The following CNTN5 variants were observed in gnomAD, a reference collection of about 807,000 sequenced individuals.
CNTN5 encodes contactin-5.
Under a neutral mutation model 129.1 loss-of-function variants are expected in CNTN5, and 77 were observed. That is an observed-to-expected ratio of 0.60 (90% confidence interval 0.50 to 0.72). The LOEUF is 0.72. Ranked by LOEUF, CNTN5 falls within the 30% of genes least tolerant of loss-of-function variation. The pLI is 0.00. For missense variants in CNTN5, 1,478 were observed against 1,328.8 expected, an observed-to-expected ratio of 1.11 and a Z score of -1.75; for synonymous variants, 509 against 465.6, an observed-to-expected ratio of 1.09 and a Z score of -1.20.
intron 1 of CNTN5, among the ~76,000 whole-genome samples, chr11:99,141,770 G>A (rs1416802174): frequency 6.6e-6 from 1 of 152,108 alleles, no homozygotes; most frequent in African/African-American, 2.4e-5. Flanking sequence ...TCATCCAGGA[G>A]CAGTTTGTTT....
intron 3 of CNTN5, among the ~76,000 whole-genome samples, chr11:99,716,680 G>T (rs1314586903): frequency 6.6e-6 from 1 of 152,068 alleles, no homozygotes; most frequent in East Asian, 1.9e-4. Flanking sequence ...AATTAATATT[G>T]CAACCAGCTT....
At chr11:99,471,233 C>T (rs1195951874) in intron 2 of CNTN5, among the ~76,000 whole-genome samples, 3 of 151,832 alleles carry the variant, frequency 2.0e-5, no homozygotes, top group Non-Finnish European at 4.4e-5. Context: ...ATATTTTATA[C>T]CCCCATAAAG....
chr11:99,482,700 G>C (rs1945647551), intron 2 of CNTN5, among the ~76,000 whole-genome samples: 1 of 152,062 alleles, frequency 6.6e-6, no homozygotes. Context: ...AGAAGATAAC[G>C]TAGGAGAAAA....
intron 13 of CNTN5, among the ~76,000 whole-genome samples, chr11:100,101,760 TC>T (rs1945232323): frequency 1.3e-5 from 2 of 152,070 alleles, no homozygotes; most frequent in Non-Finnish European, 2.9e-5. Context: ...GTCTCCGAAG[TC>T]CATTCTACAA....
intron 3 of CNTN5, among the ~76,000 whole-genome samples, chr11:99,787,080 G>A (rs1297961661): frequency 8.9e-6 from 1 of 112,420 alleles, no homozygotes; most frequent in Non-Finnish European, 1.8e-5. Context: ...ATTTGCTTCT[G>A]AAACTACATG....
intron 9 of CNTN5, among the ~76,000 whole-genome samples, chr11:100,055,770 C>G (rs1943194200): frequency 6.6e-6 from 1 of 151,552 alleles, no homozygotes; most frequent in South Asian, 2.1e-4. Flanking sequence ...ATTGTATTTC[C>G]TGTGCTTATG....
chr11:99,293,189 G>T (rs373412113), intron 1 of CNTN5, among the ~76,000 whole-genome samples: 5 of 152,048 alleles, frequency 3.3e-5, no homozygotes, highest in African/African-American at 1.2e-4. Flanking sequence ...ATGATCATAC[G>T]ATTTTTATCC....
chr11:99,304,687 G>C (rs1864791946), intron 1 of CNTN5, among the ~76,000 whole-genome samples: 1 of 152,192 alleles, frequency 6.6e-6, no homozygotes, highest in African/African-American at 2.4e-5. Context: ...ATACGTTTCA[G>C]TGTTGTGCTT....
At chr11:99,172,584 T>C (rs755395809) in intron 1 of CNTN5, among the ~76,000 whole-genome samples, 1 of 152,222 alleles carries the variant, frequency 6.6e-6, no homozygotes, top group East Asian at 1.9e-4. Flanking sequence ...CAATATTTTC[T>C]CACCTAAGTT....
intron 3 of CNTN5, among the ~76,000 whole-genome samples, chr11:99,804,503 A>G (rs891071256): frequency 6.6e-6 from 1 of 151,684 alleles, no homozygotes; most frequent in Non-Finnish European, 1.5e-5. Context: ...TAAAGCCATG[A>G]GTCTACAATA....
intron 1 of CNTN5, among the ~76,000 whole-genome samples, chr11:99,095,747 T>C (rs1866444674): frequency 6.6e-6 from 1 of 151,840 alleles, no homozygotes; most frequent in Non-Finnish European, 1.5e-5. Flanking sequence ...GACTGTAGTT[T>C]GGATAAAGAT....
intron 2 of CNTN5, among the ~76,000 whole-genome samples, chr11:99,347,196 T>C (rs1339837661): frequency 6.6e-6 from 1 of 152,196 alleles, no homozygotes; most frequent in African/African-American, 2.4e-5. Context: ...GGTTATTCTC[T>C]AGGCCATGTC....
intron 9 of CNTN5, among the ~76,000 whole-genome samples, chr11:100,008,389 A>T (rs2137508746): frequency 6.6e-6 from 1 of 152,118 alleles, no homozygotes; most frequent in Admixed American, 6.6e-5. Context: ...AAAATAATTC[A>T]CTTATTAATT....
At chr11:99,684,896 C>G (rs867435657) in intron 3 of CNTN5, among the ~76,000 whole-genome samples, 1 of 140,408 alleles carries the variant, frequency 7.1e-6, no homozygotes, top group Admixed American at 6.8e-5. Context: ...TTGGAAAAAA[C>G]AAATTTTTGC....
intron 13 of CNTN5, among the ~76,000 whole-genome samples, chr11:100,170,493 C>A (rs1020357558): frequency 1.3e-5 from 2 of 151,982 alleles, no homozygotes; most frequent in African/African-American, 4.8e-5. Flanking sequence ...TTAACTTATT[C>A]TTGATTTCCT....
chr11:99,793,821 T>G (rs1031276735), intron 3 of CNTN5, among the ~76,000 whole-genome samples: 1 of 152,178 alleles, frequency 6.6e-6, no homozygotes, highest in African/African-American at 2.4e-5. Context: ...AATTTAGGAT[T>G]GTTTATGAAT....
chr11:99,854,668 A>C (rs1591314679), intron 6 of CNTN5, among the ~76,000 whole-genome samples: 1 of 152,210 alleles, frequency 6.6e-6, no homozygotes, highest in Non-Finnish European at 1.5e-5. Flanking sequence ...AGAATAAGTA[A>C]GTTTAGTCTG....
chr11:99,945,250 AG>A (rs767325103), intron 7 of CNTN5, among the ~76,000 whole-genome samples: 6 of 152,108 alleles, frequency 3.9e-5, no homozygotes, highest in Non-Finnish European at 8.8e-5. Flanking sequence ...GGAATACTGC[AG>A]AGCAACATAT....
chr11:99,069,422 T>C (rs1393656814), intron 1 of CNTN5, among the ~76,000 whole-genome samples: 1 of 152,138 alleles, frequency 6.6e-6, no homozygotes, highest in Non-Finnish European at 1.5e-5. Context: ...GCTTCAATTT[T>C]TCCTCGAAGT....
Sources: gnomAD v4.1 joint callset for allele counts (sites outside exome capture counted in the v4.1 genomes callset) on GRCh38, gnomAD v4.1.1 for gene constraint, MANE v1.5 for transcripts, NCBI Gene and HGNC (gene_info 2026-07-23, HGNC 2026-07-21) for gene names.